Variants in SLC25A20 observed in about 807,000 individuals in gnomAD.
SLC25A20 encodes the protein solute carrier family 25 member 20.
In SLC25A20, 29 loss-of-function variants were observed where a neutral mutation model predicts 39.7. The observed-to-expected ratio is 0.73, with a 90% CI of 0.54 to 1.00. The LOEUF (loss-of-function observed/expected upper bound fraction) is 1.00, where lower values mean the gene tolerates loss of function less well. SLC25A20 is among the 50% of genes least tolerant of loss of function. The pLI is 0.00. For synonymous variants in SLC25A20, 103 were observed against 142.2 expected, an observed-to-expected ratio of 0.72 and a Z score of 1.96; for missense variants, 333 against 379.9, an observed-to-expected ratio of 0.88 and a Z score of 1.03.
In SLC25A20 at chr3:48,883,969, C is replaced by T. The variant is rs760345027; in HGVS notation, c.326+28G>A. On this transcript the variant is annotated intron_variant, in intron 3 of 8. Coordinates refer to ENST00000319017, the MANE Select transcript of SLC25A20 (RefSeq NM_000387.6). ...CATGTCACGCTACCAGGCAGAACAG[C>T]AAGTGCTCCTGACCTGTAAGTACTC... 1.2e-5 allele frequency: 19 copies of T among 1,611,746 alleles called. No homozygotes were observed. The South Asian group carries it at 2.1e-4, about 18-fold the overall frequency.
At chr3:48,871,637 C>A (rs181091880) in intron 4 of SLC25A20, among the ~76,000 whole-genome samples, 2 of 151,850 alleles carry the variant, frequency 1.3e-5, no homozygotes, top group Admixed American at 6.6e-5. Flanking sequence ...CATGGTGGCG[C>A]GTGCCTGTAA....
intron 3 of SLC25A20, 25 bp downstream of exon 3, chr3:48,883,972 G>A: frequency 6.2e-7 from 1 of 1,612,096 alleles, no homozygotes; most frequent in Non-Finnish European, 8.5e-7. Flanking sequence ...AGAACAGCAA[G>A]TGCTCCTGAC....
intron 4 of SLC25A20, among the ~76,000 whole-genome samples, chr3:48,866,574 A>C (rs2083671033): frequency 6.6e-6 from 1 of 152,124 alleles, no homozygotes; most frequent in Non-Finnish European, 1.5e-5. Context: ...CAAAAAACAA[A>C]AACAAAAACA....
intron 5 of SLC25A20, among the ~76,000 whole-genome samples, chr3:48,861,965 T>C (rs905409692): frequency 6.6e-6 from 1 of 151,992 alleles, no homozygotes; most frequent in African/African-American, 2.4e-5. Context: ...GAGGCAGAGG[T>C]TGCAGTAAGC....
chr3:48,860,834 C>CT (rs780743103), intron 5 of SLC25A20, among the ~76,000 whole-genome samples: 9,692 of 134,292 alleles, frequency 0.072, 479 homozygotes, highest in Non-Finnish European at 0.1. Context: ...TATTACTTTA[C>CT]TTTTTTTTTT....
rs751921896 is a variant in SLC25A20, at chr3:48,857,801, G to A, written c.844-29C>T. ...AGAAGGGATTGGGAGGAAGAAAAAA[G>A]CCAGCAGGAATAACTATTCATAGAC... On this transcript the variant is annotated intron_variant, in intron 8 of 8. Coordinates refer to ENST00000319017, the MANE Select transcript of SLC25A20 (RefSeq NM_000387.6). 41 of 1,604,232 alleles carry A rather than the reference G, an allele frequency of 2.6e-5. No homozygotes were observed. The Admixed American group carries it at 6.9e-4, about 27-fold the overall frequency.
intron 2 of SLC25A20, among the ~76,000 whole-genome samples, chr3:48,884,922 G>A (rs1005423666): frequency 2.1e-4 from 32 of 151,152 alleles, no homozygotes; most frequent in African/African-American, 7.8e-4. Flanking sequence ...TACAAAACAG[G>A]ATACACAACG....
intron 3 of SLC25A20, among the ~76,000 whole-genome samples, chr3:48,881,902 T>C (rs915489880): frequency 1.3e-5 from 2 of 152,212 alleles, no homozygotes; most frequent in African/African-American, 2.4e-5. Flanking sequence ...TTATAGAATC[T>C]AGGGACATTC....
Position 48,862,651 on chromosome 3 carries a change from A to C in SLC25A20, c.426T>G (p.Ala142=), listed in dbSNP as rs1168870907. The C allele has an allele frequency of 6.2e-7, 1 of 1,610,186 alleles. No individual in the cohort carries two copies. Among genetic ancestry groups the C allele is most frequent in the South Asian group, 1.1e-5 (1 of 91,024 alleles). The change falls in exon 5 of 9, where the codon GCT becomes GCG. Residue 142 remains alanine (A), a synonymous_variant. Coordinates refer to ENST00000319017, the MANE Select transcript of SLC25A20 (RefSeq NM_000387.6). ...CAGTGTACTTGCTTTCTCCTGAAGA[A>C]GCCTGAATCTGGGAGGGAGGAGAGG... The part of the protein sequence containing the change: ...ERIKCLLQIQ[A]SSGESKYTGT...
intron 2 of SLC25A20, among the ~76,000 whole-genome samples, chr3:48,886,044 ATACT>A (rs1273096551): frequency 1.3e-5 from 2 of 152,182 alleles, no homozygotes; most frequent in Non-Finnish European, 2.9e-5. Context: ...ATCATACTTC[ATACT>A]TACTTAAGAG....
chr3:48,883,202 CA>C (rs1256172878), intron 3 of SLC25A20, among the ~76,000 whole-genome samples: 4 of 146,964 alleles, frequency 2.7e-5, no homozygotes, highest in Non-Finnish European at 4.5e-5. Flanking sequence ...CTCGAACAAA[CA>C]AAAAAAAATT....
chr3:48,883,836 C>T (rs1343674245), intron 3 of SLC25A20, among the ~76,000 whole-genome samples, 161 bp downstream of exon 3: 1 of 151,988 alleles, frequency 6.6e-6, no homozygotes, highest in East Asian at 1.9e-4. Flanking sequence ...GTTGGCCAAG[C>T]TGGACTCGAC....
At chr3:48,888,138 TG>T (rs1254519951) in intron 2 of SLC25A20, among the ~76,000 whole-genome samples, 1 of 83,504 alleles carries the variant, frequency 1.2e-5, no homozygotes, top group Non-Finnish European at 2.3e-5. Flanking sequence ...ACCCAGGAGG[TG>T]GAGGTTGCAG....
intron 2 of SLC25A20, among the ~76,000 whole-genome samples, chr3:48,886,705 G>A (rs1002621596): frequency 6.6e-6 from 1 of 152,104 alleles, no homozygotes; most frequent in African/African-American, 2.4e-5. Context: ...AACAAATGAA[G>A]TGCCTGTATC....
At chr3:48,872,295 T>G (rs1356114292) in intron 4 of SLC25A20, among the ~76,000 whole-genome samples, 2 of 151,678 alleles carry the variant, frequency 1.3e-5, no homozygotes, top group Non-Finnish European at 2.9e-5. Context: ...CATGCCTGGA[T>G]AATTTTGTAT....
chr3:48,889,877 G>A (rs768604263), intron 2 of SLC25A20, among the ~76,000 whole-genome samples: 3 of 152,172 alleles, frequency 2.0e-5, no homozygotes, highest in African/African-American at 4.8e-5. Context: ...GCAGGTATAG[G>A]GTCCGGTGCT....
chr3:48,883,562 GAAA>G (rs71077749), intron 3 of SLC25A20, among the ~76,000 whole-genome samples: 3 of 105,476 alleles, frequency 2.8e-5, no homozygotes, highest in Admixed American at 2.0e-4. Flanking sequence ...AAAAAAGAAA[GAAA>G]AAAAAAACTC....
chr3:48,857,584 T>C lies in SLC25A20; in HGVS notation c.*126A>G. ...TAAGGCAACAGTCTCACCAAGTCCA[T>C]GCACAGGGCTCGGATCTCACCATTC... On this transcript the variant is annotated 3_prime_UTR_variant, in exon 9 of 9. Coordinates refer to ENST00000319017, the MANE Select transcript of SLC25A20 (RefSeq NM_000387.6). 1 of 816,974 alleles carries C rather than the reference T, an allele frequency of 1.2e-6. No individual in the cohort carries two copies. The highest frequency in any genetic ancestry group is 2.1e-6 in the Non-Finnish European group (1 of 476,254). 50.6% of individuals were successfully genotyped at this position (816,974 alleles called of 1,614,324 possible).
rs1217748478 is a variant in SLC25A20 at position 48,874,055 on chromosome 3, G to A, written c.417+5303C>T. Among the ~76,000 whole-genome samples the A allele has an allele frequency of 4.6e-5, 7 of 150,952 alleles. 1 individual carries two copies. The South Asian group carries it at 6.2e-4, about 13-fold the overall frequency. On this transcript the variant is annotated intron_variant, in intron 4 of 8. Coordinates refer to ENST00000319017, the MANE Select transcript of SLC25A20 (RefSeq NM_000387.6). ...TATAATCCCAGCACTTTGGGAGGCC[G>A]AGGAGGCGGGTGAATCACCTGAGGT...
Sources: allele counts gnomAD v4.1 joint callset (sites outside exome capture counted in the v4.1 genomes callset), GRCh38; gene constraint gnomAD v4.1.1; transcripts MANE v1.5; gene names NCBI Gene and HGNC (gene_info 2026-07-23, HGNC 2026-07-21).